PTPN1: variants seen among roughly 807,000 people sequenced by gnomAD.
PTPN1 encodes the protein tyrosine-protein phosphatase non-receptor type 1.
In PTPN1, 12 loss-of-function variants were observed where a neutral mutation model predicts 59.9. The observed-to-expected ratio is 0.20, with a 90% confidence interval of 0.13 to 0.32. The LOEUF (loss-of-function observed/expected upper bound fraction) is 0.32. PTPN1 is among the 10% of genes least tolerant of loss of function. The pLI is 1.00. For missense variants in PTPN1, 356 were observed against 549.2 expected, an observed-to-expected ratio of 0.65 and a Z score of 3.52; for synonymous variants, 178 against 203.6, an observed-to-expected ratio of 0.87 and a Z score of 1.07.
chr20:50,534,355 A>C (rs562565197), intron 1 of PTPN1, among the ~76,000 whole-genome samples: 2 of 152,362 alleles, frequency 1.3e-5, no homozygotes, highest in South Asian at 4.1e-4. Context: ...AAATCACTCA[A>C]GCACTTACGC....
intron 1 of PTPN1, among the ~76,000 whole-genome samples, chr20:50,539,325 C>T (rs1243548354): frequency 6.6e-6 from 1 of 152,098 alleles, no homozygotes; most frequent in Admixed American, 6.5e-5. Flanking sequence ...CGTGAGCCAC[C>T]GCGCCCAGCC....
intron 1 of PTPN1, among the ~76,000 whole-genome samples, chr20:50,519,691 TC>T (rs1337891713): frequency 6.6e-6 from 1 of 152,182 alleles, no homozygotes; most frequent in East Asian, 1.9e-4. Context: ...TCCCGTAGTT[TC>T]CCTGGTGCTT....
chr20:50,523,218 G>A (rs115144651), intron 1 of PTPN1, among the ~76,000 whole-genome samples: 2 of 152,204 alleles, frequency 1.3e-5, no homozygotes, highest in African/African-American at 4.8e-5. Context: ...CCTCATCAAG[G>A]TGGGGACACA....
At chr20:50,517,998 A>T (rs13045492) in intron 1 of PTPN1, among the ~76,000 whole-genome samples, 15,782 of 152,298 alleles carry the variant, frequency 0.1, 925 homozygotes, top group South Asian at 0.18. Context: ...TAAGATGAGC[A>T]TAGCAAAACT....
intron 4 of PTPN1, among the ~76,000 whole-genome samples, chr20:50,569,539 C>CTGTGTAGACTGTCCTGTGTAGAT (rs1444545382): frequency 7.2e-5 from 11 of 151,894 alleles, no homozygotes; most frequent in Non-Finnish European, 2.9e-5. Context: ...TGTAGATTGT[C>CTGTGTAGACTGTCCTGTGTAGAT]TGTGTAGACT....
rs2082790188 is a variant in PTPN1, at chr20:50,568,506, T to C, written c.354+28T>C. ...AAGTCTCGGCTTCATTTGCTGTGTA[T>C]GTGATCATGCATACCACTCCATATA... On this transcript the variant is annotated intron_variant, in intron 4 of 9. Transcript: ENST00000371621. This position sits in a 1 kb window ranked among gnomAD's most constrained non-coding sequence, Gnocchi z 5.6. 1.3e-6 allele frequency: 2 copies of C among 1,554,702 alleles called. No homozygotes were observed. The highest frequency in any genetic ancestry group is 1.8e-6 in the Non-Finnish European group (2 of 1,126,018).
At chr20:50,522,723 G>C (rs1194294419) in intron 1 of PTPN1, among the ~76,000 whole-genome samples, 5 of 152,110 alleles carry the variant, frequency 3.3e-5, no homozygotes, top group African/African-American at 9.7e-5. Context: ...CCTAAGTTTT[G>C]TACCTTTCTC....
chr20:50,512,119 A>G lies in PTPN1; in HGVS notation c.63+1529A>G, dbSNP rs79411178. ...ATCTATATACTAATAAGTATGATTG[A>G]TCAGTATATAAAATTTGTATGCCAT... On this transcript the variant is annotated intron_variant, in intron 1 of 9. Coordinates refer to ENST00000371621, the MANE Select transcript of PTPN1 (RefSeq NM_002827.4). 4.8e-3 allele frequency among the ~76,000 whole-genome samples: 734 copies of G among 152,360 alleles called. 1 individual carries two copies. The highest frequency in any genetic ancestry group is 7.3e-3 in the Non-Finnish European group (497 of 68,040).
Position 50,582,613 on chromosome 20 carries a change from T to G in PTPN1, c.1285-79T>G. ...CTCGGAGGTTGAAGTTGCCGGGGGG[T>G]GTGGCCGGGGTCATGCATGAGGCGA... is the stretch of plus-strand genomic sequence containing the variant. On this transcript the variant is annotated intron_variant, in intron 9 of 9. Coordinates refer to ENST00000371621, the MANE Select transcript of PTPN1 (RefSeq NM_002827.4). This position sits in a 1 kb window ranked among gnomAD's most constrained non-coding sequence, Gnocchi z 4.2. 1 of 1,487,264 alleles carries G rather than the reference T, an allele frequency of 6.7e-7. No individual in the cohort carries two copies. Among genetic ancestry groups the G allele is most frequent in the Non-Finnish European group, 9.3e-7 (1 of 1,080,372 alleles). The allele number at this position is 1,487,264 out of a possible 1,614,324, so 92.1% of individuals were successfully genotyped here. A position where few individuals can be genotyped will look rare whatever the true frequency, so the allele number is the denominator to read the frequency against.
intron 1 of PTPN1, among the ~76,000 whole-genome samples, chr20:50,559,910 C>G (rs2082744441): frequency 6.8e-6 from 1 of 146,360 alleles, no homozygotes; most frequent in Non-Finnish European, 1.5e-5. Context: ...TAGAGACTTT[C>G]CTGTTATATC....
intron 1 of PTPN1, among the ~76,000 whole-genome samples, chr20:50,547,957 T>TA (rs1420863451): frequency 1.3e-5 from 2 of 152,228 alleles, no homozygotes; most frequent in Non-Finnish European, 2.9e-5. Flanking sequence ...TGTAGAGTTT[T>TA]AAAAAAATTA....
Position 50,579,438 on chromosome 20 carries a change from A to AGT in PTPN1, c.864+110_864+111insTG. The stretch of plus-strand genomic sequence containing the variant: ...AACACCGTCTGGTGTCAGGGGAAAT[A>AGT]GCTACCCTTCATGTTTAAAATAGCT... On this transcript the variant is annotated intron_variant, in intron 7 of 9. Transcript: ENST00000371621. 4.7e-6 allele frequency: 6 copies of AGT among 1,282,082 alleles called. No homozygotes were observed. In the South Asian group the frequency reaches 8.4e-5, roughly 18 times the overall value. The allele number at this position is 1,282,082 out of a possible 1,614,324, so 79.4% of individuals were successfully genotyped here. A position where few individuals can be genotyped will look rare whatever the true frequency, so the allele number is the denominator to read the frequency against.
chr20:50,569,323 T>G (rs530874390), intron 4 of PTPN1, among the ~76,000 whole-genome samples: 1 of 152,346 alleles, frequency 6.6e-6, no homozygotes, highest in East Asian at 1.9e-4. Context: ...CAAAGTTTTC[T>G]GTTTTTAGTT....
intron 3 of PTPN1, 63 bp downstream of exon 3, chr20:50,565,132 C>T: frequency 6.7e-7 from 1 of 1,492,288 alleles, no homozygotes; most frequent in Non-Finnish European, 9.1e-7. Context: ...TGCTGTTATC[C>T]ACACCTCAAA....
At chr20:50,513,185 A>T (rs1428383725) in intron 1 of PTPN1, among the ~76,000 whole-genome samples, 1 of 152,232 alleles carries the variant, frequency 6.6e-6, no homozygotes, top group Admixed American at 6.5e-5. Flanking sequence ...CCGTATTTTT[A>T]ATCTTTAATG....
intron 1 of PTPN1, among the ~76,000 whole-genome samples, chr20:50,512,644 C>T (rs933958836): frequency 2.6e-5 from 4 of 152,190 alleles, no homozygotes; most frequent in Non-Finnish European, 4.4e-5. Flanking sequence ...GCCAGCTTTT[C>T]TCACCTCCAC....
At chr20:50,570,971 T>C (rs765154128) in intron 4 of PTPN1, 1 of 152,288 alleles carries the variant, frequency 6.6e-6, no homozygotes, top group Non-Finnish European at 1.5e-5. Context: ...TTACCAGATA[T>C]AGTAGCATTT....
chr20:50,521,641 A>G (rs2082551701), intron 1 of PTPN1, among the ~76,000 whole-genome samples: 1 of 152,224 alleles, frequency 6.6e-6, no homozygotes, highest in Non-Finnish European at 1.5e-5. Flanking sequence ...CTAGTTTTCT[A>G]ACCTCTTTCC....
At chr20:50,526,087 A>G (rs555819779) in intron 1 of PTPN1, among the ~76,000 whole-genome samples, 215 of 151,732 alleles carry the variant, frequency 1.4e-3, no homozygotes, top group Non-Finnish European at 2.3e-3. Flanking sequence ...CATAGGGTGT[A>G]TGTGTGTGTG....
Sources: allele counts gnomAD v4.1 joint callset (sites outside exome capture counted in the v4.1 genomes callset), GRCh38; gene constraint gnomAD v4.1.1; non-coding constraint Gnocchi (gnomAD v3.1); transcripts MANE v1.5; gene names NCBI Gene and HGNC (gene_info 2026-07-23, HGNC 2026-07-21).